DISC1: variants seen among roughly 807,000 people sequenced by gnomAD.
DISC1 encodes DISC1 scaffold protein.
Under a neutral mutation model 84.5 loss-of-function variants are expected in DISC1, and 57 were observed. That is an observed-to-expected ratio of 0.67 (90% confidence interval 0.55 to 0.84). DISC1 has a LOEUF of 0.84. DISC1 is among the 40% of genes least tolerant of loss of function. DISC1 has a pLI of 0.00. For synonymous variants in DISC1, 411 were observed against 415.2 expected (o/e 0.99, Z 0.12); for missense variants, 1,000 against 1,057.8 (o/e 0.95, Z 0.76).
At chr1:231,746,838 G>T (rs560036001) in intron 3 of DISC1, among the ~76,000 whole-genome samples, 2 of 152,226 alleles carry the variant, frequency 1.3e-5, no homozygotes, top group East Asian at 3.9e-4. Flanking sequence ...TCAGTTCCTT[G>T]TATATTCTGG....
intron 6 of DISC1, among the ~76,000 whole-genome samples, chr1:231,787,440 G>GAGAGAGAGAC (rs2077970711): frequency 6.6e-6 from 1 of 151,934 alleles, no homozygotes. Context: ...GAGCGCTGGA[G>GAGAGAGAGAC]AGAGAGAGAC....
At chr1:231,654,595 C>G (rs2125315214) in intron 1 of DISC1, among the ~76,000 whole-genome samples, 1 of 152,242 alleles carries the variant, frequency 6.6e-6, no homozygotes, top group South Asian at 2.1e-4. Context: ...GCTTTGTATA[C>G]TTTGACTAAC....
intron 9 of DISC1, among the ~76,000 whole-genome samples, chr1:231,864,794 T>A (rs2084937529): frequency 6.6e-6 from 1 of 152,246 alleles, no homozygotes; most frequent in South Asian, 2.1e-4. Flanking sequence ...AAAATTCTTG[T>A]ATATTGTTCC....
chr1:231,780,693 A>G (rs954560919), intron 6 of DISC1, among the ~76,000 whole-genome samples: 2 of 100,796 alleles, frequency 2.0e-5, no homozygotes, highest in African/African-American at 3.9e-5. Context: ...TCATGCTGCT[A>G]TAAAGACACA....
intron 9 of DISC1, among the ~76,000 whole-genome samples, chr1:231,935,065 T>C (rs532618616): frequency 1.3e-5 from 2 of 152,294 alleles, no homozygotes; most frequent in South Asian, 2.1e-4. Context: ...CAACGAAGGA[T>C]TGTGTTAAAG....
At chr1:231,950,536 AACCTG>A (rs1353352649) in intron 9 of DISC1, among the ~76,000 whole-genome samples, 3 of 152,166 alleles carry the variant, frequency 2.0e-5, no homozygotes, top group African/African-American at 4.8e-5. Flanking sequence ...CTGTGAAGTG[AACCTG>A]CTTGGAACTG....
At chr1:231,865,947 T>C (rs2085025468) in intron 9 of DISC1, among the ~76,000 whole-genome samples, 1 of 152,230 alleles carries the variant, frequency 6.6e-6, no homozygotes, top group Admixed American at 6.5e-5. Context: ...TTAGTCTTCC[T>C]GAAAGTGGTT....
At chr1:231,739,186 A>G (rs749016433) in intron 3 of DISC1, among the ~76,000 whole-genome samples, 2 of 152,216 alleles carry the variant, frequency 1.3e-5, no homozygotes, top group African/African-American at 2.4e-5. Flanking sequence ...GTGAGTTTGC[A>G]TATTAAAAAC....
intron 1 of DISC1, among the ~76,000 whole-genome samples, chr1:231,673,031 G>T (rs2062773501): frequency 6.6e-6 from 1 of 152,198 alleles, no homozygotes; most frequent in African/African-American, 2.4e-5. Flanking sequence ...GTTGATGAGT[G>T]ACCTCTGGTG....
At chr1:231,942,531 G>A (rs2091412139) in intron 9 of DISC1, among the ~76,000 whole-genome samples, 1 of 152,192 alleles carries the variant, frequency 6.6e-6, no homozygotes. Context: ...CTGGCGTGGT[G>A]TCACATGCCT....
chr1:231,745,518 A>T (rs1397655660), intron 3 of DISC1: 1 of 197,390 alleles, frequency 5.1e-6, no homozygotes, highest in Non-Finnish European at 1.1e-5. Flanking sequence ...CACCGCGCTC[A>T]GCCTAAACAT....
At chr1:231,766,300 A>C (rs984454460) in intron 4 of DISC1, among the ~76,000 whole-genome samples, 12 of 150,218 alleles carry the variant, frequency 8.0e-5, no homozygotes, top group African/African-American at 2.4e-4. Context: ...AAAAAAAAAA[A>C]AAAAAAACAA....
At chr1:231,809,077 T>C (rs2080011070) in intron 8 of DISC1, among the ~76,000 whole-genome samples, 1 of 152,104 alleles carries the variant, frequency 6.6e-6, no homozygotes, top group African/African-American at 2.4e-5. Flanking sequence ...GGCAAATGTG[T>C]GAATGGCCTG....
intron 3 of DISC1, among the ~76,000 whole-genome samples, chr1:231,715,334 T>C (rs2068543831): frequency 1.3e-5 from 2 of 152,174 alleles, no homozygotes; most frequent in African/African-American, 4.8e-5. Context: ...AAATGAGGGA[T>C]GTTAAAAATG....
At chr1:231,915,707 G>A (rs1318385722) in intron 9 of DISC1, among the ~76,000 whole-genome samples, 2 of 152,206 alleles carry the variant, frequency 1.3e-5, no homozygotes, top group African/African-American at 4.8e-5. Flanking sequence ...GAACCTGGGA[G>A]GTGGATGTTG....
chr1:231,833,229 GA>G (rs2082375388), intron 9 of DISC1, among the ~76,000 whole-genome samples: 1 of 150,980 alleles, frequency 6.6e-6, no homozygotes. Context: ...GTGCTTAAAA[GA>G]GTATTGTCAA....
intron 4 of DISC1, among the ~76,000 whole-genome samples, chr1:231,751,228 A>G (rs1558479195): frequency 6.6e-6 from 1 of 152,112 alleles, no homozygotes; most frequent in Non-Finnish European, 1.5e-5. Flanking sequence ...TTTCTCTGTA[A>G]TTCTCTCATT....
Position 231,770,843 on chromosome 1 carries a change from C to T in DISC1, c.1407C>T (p.Ile469=), listed in dbSNP as rs2492367. 0.12 allele frequency: 192,405 copies of T among 1,613,658 alleles called. 12,130 individuals are homozygous for T. Among genetic ancestry groups the T allele is most frequent in the African/African-American group, 0.2 (15,138 of 74,958 alleles). The change falls in exon 6 of 13, where the codon ATC becomes ATT. Residue 469 remains isoleucine (I), a synonymous_variant. Coordinates refer to ENST00000439617, the MANE Select transcript of DISC1 (RefSeq NM_018662.3). The part of the protein sequence containing the change: ...LQEKQQLQKE[I]EALQARMFVL... ...CTCCTCATTCTCTACAGAAAGAAAT[C>T]GAAGCTCTCCAAGCAAGGATGTTTG...
At chr1:232,026,637 A>G in intron 12 of DISC1, 85 bp downstream of exon 12, 1 of 907,540 alleles carries the variant, frequency 1.1e-6, no homozygotes, top group South Asian at 1.4e-5. Flanking sequence ...ATGCCTCAGA[A>G]GATGGCAACA....
Sources: gnomAD v4.1 joint callset for allele counts (sites outside exome capture counted in the v4.1 genomes callset) on GRCh38, gnomAD v4.1.1 for gene constraint, MANE v1.5 for transcripts, NCBI Gene and HGNC (gene_info 2026-07-23, HGNC 2026-07-21) for gene names.